Variants in FRYL observed in about 807,000 individuals in gnomAD.
FRYL encodes protein furry homolog-like.
Under a neutral mutation model 351.2 loss-of-function variants are expected in FRYL, and 150 were observed. The observed-to-expected ratio is 0.43, with a 90% CI of 0.37 to 0.49. The LOEUF is 0.49. Among genes scored for constraint, FRYL ranks in the 20% least tolerant of loss-of-function variants. FRYL has a pLI of 0.00. For synonymous variants in FRYL, 1,153 were observed against 1,257.1 expected, an observed-to-expected ratio of 0.92 and a Z score of 1.75; for missense variants, 3,036 against 3,619.3, an observed-to-expected ratio of 0.84 and a Z score of 4.13.
chr4:48,642,203 T>C (rs1213446542), intron 3 of FRYL, among the ~76,000 whole-genome samples: 1 of 152,190 alleles, frequency 6.6e-6, no homozygotes, highest in Non-Finnish European at 1.5e-5. Context: ...TAGAGACAAA[T>C]ATTCCTATGT....
chr4:48,585,145 T>C (rs995266219), intron 19 of FRYL, among the ~76,000 whole-genome samples: 1 of 152,184 alleles, frequency 6.6e-6, no homozygotes, highest in Non-Finnish European at 1.5e-5. Context: ...AAGAGCAGAA[T>C]TGAACAGTAG....
chr4:48,566,092 G>A (rs367867368), intron 28 of FRYL, among the ~76,000 whole-genome samples: 8 of 152,122 alleles, frequency 5.3e-5, no homozygotes, highest in South Asian at 2.1e-4. Flanking sequence ...GGCTTTGGAC[G>A]AGATACGTGT....
intron 48 of FRYL, among the ~76,000 whole-genome samples, chr4:48,535,011 C>T (rs543344990): frequency 6.6e-6 from 1 of 152,196 alleles, no homozygotes; most frequent in Admixed American, 6.5e-5. Context: ...TCTCTTTGTG[C>T]CTATCTACTT....
intron 1 of FRYL, among the ~76,000 whole-genome samples, chr4:48,775,593 A>ATAATTAGCAACT (rs1775934058): frequency 1.3e-5 from 2 of 152,178 alleles, no homozygotes; most frequent in African/African-American, 4.8e-5. Flanking sequence ...CCCCCTTTTT[A>ATAATTAGCAACT]TAATTAGCAA....
intron 9 of FRYL, among the ~76,000 whole-genome samples, chr4:48,608,076 C>A (rs1206513160): frequency 1.3e-5 from 2 of 152,088 alleles, no homozygotes; most frequent in African/African-American, 4.8e-5. Flanking sequence ...TTAAAATACT[C>A]AAACCATAAG....
Position 48,579,228 on chromosome 4 carries a change from T to A in FRYL, c.2273A>T (p.Tyr758Phe), listed in dbSNP as rs753093393. The A allele has an allele frequency of 3.0e-5, 49 of 1,609,274 alleles. No individual in the cohort carries two copies. Among genetic ancestry groups the A allele is most frequent in the Admixed American group, 1.7e-5 (1 of 59,050 alleles). The stretch of plus-strand genomic sequence containing the variant: ...TTGTAAATCTATCGAGCTAGGGCAA[T>A]AGAGCAAAGTAGTCTATATGGAGAG... ...LTGADQTTLL[Y>F]CPSSIDLQTL... is the part of the protein sequence containing the mutation. Residue 758 changes from tyrosine to phenylalanine, a missense_variant, in exon 23 of 64, where the codon TAT (tyrosine) becomes TTT (phenylalanine). Transcript: ENST00000358350.
chr4:48,559,669 A>C (rs1304448293), intron 33 of FRYL, among the ~76,000 whole-genome samples: 1 of 70,394 alleles, frequency 1.4e-5, no homozygotes, highest in African/African-American at 6.0e-5. Context: ...GGAGGGAGAG[A>C]GGAAGAGGGG....
intron 13 of FRYL, chr4:48,598,942 A>G: frequency 1.6e-6 from 1 of 621,824 alleles, no homozygotes; most frequent in Non-Finnish European, 2.0e-6. Context: ...GATGAAAATA[A>G]GCACAAAACA....
At chr4:48,592,968 C>A (rs952440948) in intron 16 of FRYL, among the ~76,000 whole-genome samples, 2 of 151,932 alleles carry the variant, frequency 1.3e-5, no homozygotes, top group African/African-American at 4.8e-5. Context: ...CTTTTTATAT[C>A]CTCAAATGTA....
At chr4:48,547,871 T>C in intron 40 of FRYL, 102 bp from the exon 41 acceptor site, 4 of 760,198 alleles carry the variant, frequency 5.3e-6, no homozygotes, top group Non-Finnish European at 7.8e-6. Flanking sequence ...TATGAAAGAT[T>C]TCATGGAAGG....
At chr4:48,716,239 C>T (rs1296106672) in intron 1 of FRYL, among the ~76,000 whole-genome samples, 2 of 151,306 alleles carry the variant, frequency 1.3e-5, no homozygotes, top group Non-Finnish European at 3.0e-5. Context: ...CCTAAAACAC[C>T]AAAAGCAATG....
intron 35 of FRYL, among the ~76,000 whole-genome samples, chr4:48,555,718 CGTT>C (rs1448208331): frequency 6.6e-6 from 1 of 152,158 alleles, no homozygotes; most frequent in Non-Finnish European, 1.5e-5. Context: ...CGTGCGGTAA[CGTT>C]GTCTTGTACC....
intron 35 of FRYL, among the ~76,000 whole-genome samples, chr4:48,556,044 G>T (rs1039925676): frequency 6.6e-6 from 1 of 152,038 alleles, no homozygotes; most frequent in African/African-American, 2.4e-5. Flanking sequence ...ACAGGCATGC[G>T]CCACCACACC....
chr4:48,501,626 T>C lies in FRYL; in HGVS notation c.8589A>G (p.Ala2863=). The C allele has an allele frequency of 6.4e-7, 1 of 1,552,764 alleles. No individual in the cohort carries two copies. Among genetic ancestry groups the C allele is most frequent in the South Asian group, 1.1e-5 (1 of 88,850 alleles). The part of the protein sequence containing the change: ...INQVNTIKNE[A]EVINMSEELA... ...CCTAATACAACTGAATATTTACCTCTGCTTCATTTTTTATCGTATTTACTT... is the reference window on the plus strand; with the variant it reads ...CCTAATACAACTGAATATTTACCTCCGCTTCATTTTTTATCGTATTTACTT... The change falls in exon 62 of 64, where the codon GCA becomes GCG. Residue 2863 remains alanine (A), a synonymous_variant. Transcript: ENST00000358350.
intron 53 of FRYL, among the ~76,000 whole-genome samples, chr4:48,525,497 T>A (rs961369511): frequency 6.6e-6 from 1 of 152,190 alleles, no homozygotes; most frequent in African/African-American, 2.4e-5. Context: ...TGGTCTTCCA[T>A]GGACAATGAA....
chr4:48,775,187 T>C (rs1775881564), intron 1 of FRYL, among the ~76,000 whole-genome samples: 1 of 152,246 alleles, frequency 6.6e-6, no homozygotes, highest in South Asian at 2.1e-4. Flanking sequence ...CCCAGGTTTG[T>C]GTGCTAGGCT....
At chr4:48,515,379 G>A in intron 55 of FRYL, 104 bp from the exon 56 acceptor site, 1 of 854,734 alleles carries the variant, frequency 1.2e-6, no homozygotes, top group East Asian at 2.7e-5. Flanking sequence ...TTTATTAAGT[G>A]GTGTTCATTT....
intron 7 of FRYL, among the ~76,000 whole-genome samples, chr4:48,613,228 T>C (rs1748614760): frequency 6.6e-6 from 1 of 152,232 alleles, no homozygotes; most frequent in African/African-American, 2.4e-5. Flanking sequence ...TGTGTTTGAC[T>C]GCAACCCATC....
At chr4:48,754,984 C>T (rs1773629873) in intron 1 of FRYL, among the ~76,000 whole-genome samples, 1 of 152,098 alleles carries the variant, frequency 6.6e-6, no homozygotes, top group African/African-American at 2.4e-5. Context: ...GAACACAATA[C>T]CCTGGGTGTA....
Sources: allele counts gnomAD v4.1 joint callset (sites outside exome capture counted in the v4.1 genomes callset), GRCh38; gene constraint gnomAD v4.1.1; transcripts MANE v1.5; gene names NCBI Gene and HGNC (gene_info 2026-07-23, HGNC 2026-07-21).